The following SLC9A9 variants were observed in gnomAD, a reference collection of about 807,000 sequenced individuals.
SLC9A9 encodes the protein solute carrier family 9 member A9.
Under a neutral mutation model 77.8 loss-of-function variants are expected in SLC9A9, and 62 were observed. The observed-to-expected ratio is 0.80, with a 90% confidence interval of 0.65 to 0.98. The LOEUF (loss-of-function observed/expected upper bound fraction) is 0.98, where lower values mean the gene tolerates loss of function less well. SLC9A9 is among the 50% of genes least tolerant of loss of function. SLC9A9 has a pLI of 0.00. For missense variants in SLC9A9, 775 were observed against 774.9 expected (o/e 1.00, Z 0.00); for synonymous variants, 320 against 283.5 (o/e 1.13, Z -1.29).
rs1206515953 is a variant in SLC9A9 at position 143,578,535 on chromosome 3, T to C, written c.894+50A>G. 5 of 1,612,942 alleles carry C rather than the reference T, an allele frequency of 3.1e-6. No individual in the cohort carries two copies. In the South Asian group the frequency reaches 3.3e-5, roughly 11 times the overall value. ...TCCATCATCAGAAATATTCCATGGA[T>C]ACTGACTGTTCTTGACAGTCCCAGC... is the stretch of plus-strand genomic sequence containing the variant. On this transcript the variant is annotated intron_variant, in intron 7 of 15. Coordinates refer to ENST00000316549, the MANE Select transcript of SLC9A9 (RefSeq NM_173653.4).
intron 4 of SLC9A9, among the ~76,000 whole-genome samples, chr3:143,749,604 G>A (rs1029997547): frequency 2.6e-5 from 4 of 152,278 alleles, no homozygotes; most frequent in African/African-American, 9.6e-5. Context: ...GTACCACATC[G>A]TTTTGTCATA....
chr3:143,400,741 T>C (rs1245609691), intron 12 of SLC9A9, among the ~76,000 whole-genome samples: 3 of 143,870 alleles, frequency 2.1e-5, no homozygotes, highest in Admixed American at 6.9e-5. Context: ...AAAAAAAAGG[T>C]AATTCATTCC....
intron 9 of SLC9A9, among the ~76,000 whole-genome samples, chr3:143,499,359 G>A (rs532678909): frequency 9.2e-5 from 14 of 152,038 alleles, no homozygotes; most frequent in Middle Eastern, 3.4e-3. Flanking sequence ...TCACATCTTT[G>A]TTTAGATTTA....
intron 2 of SLC9A9, among the ~76,000 whole-genome samples, chr3:143,804,314 C>G (rs1281513121): frequency 3.3e-5 from 5 of 152,302 alleles, no homozygotes; most frequent in East Asian, 3.9e-4. Flanking sequence ...TCATCAGACT[C>G]TCCTCCCAGG....
chr3:143,641,333 T>C (rs1418037097), intron 6 of SLC9A9, among the ~76,000 whole-genome samples: 4 of 151,988 alleles, frequency 2.6e-5, no homozygotes, highest in African/African-American at 9.7e-5. Context: ...CAGATATAAA[T>C]TGATTTCAGC....
chr3:143,568,362 G>A (rs1160600177), intron 8 of SLC9A9, among the ~76,000 whole-genome samples: 7 of 152,130 alleles, frequency 4.6e-5, no homozygotes, highest in Non-Finnish European at 1.0e-4. Flanking sequence ...AGTTTCCTAA[G>A]AAACATTAGG....
intron 14 of SLC9A9, among the ~76,000 whole-genome samples, chr3:143,305,594 G>A (rs977007050): frequency 6.6e-6 from 1 of 152,182 alleles, no homozygotes; most frequent in Non-Finnish European, 1.5e-5. Context: ...CTGGAAGTGA[G>A]TTGACAGGAA....
chr3:143,761,431 G>C (rs1016982111), intron 4 of SLC9A9, among the ~76,000 whole-genome samples: 4 of 152,068 alleles, frequency 2.6e-5, no homozygotes, highest in African/African-American at 4.8e-5. Flanking sequence ...GAAAATTTTT[G>C]CAATCTACTC....
At chr3:143,691,429 C>G (rs1170246378) in intron 5 of SLC9A9, among the ~76,000 whole-genome samples, 3 of 151,954 alleles carry the variant, frequency 2.0e-5, no homozygotes, top group Non-Finnish European at 2.9e-5. Flanking sequence ...CGAGAGCTGG[C>G]CTGATACTCT....
intron 14 of SLC9A9, among the ~76,000 whole-genome samples, chr3:143,293,167 A>G (rs909276132): frequency 6.6e-6 from 1 of 152,170 alleles, no homozygotes; most frequent in African/African-American, 2.4e-5. Context: ...TGCTCAGCTG[A>G]AATGTATCAC....
chr3:143,748,228 T>C (rs928835462), intron 4 of SLC9A9, among the ~76,000 whole-genome samples: 21 of 152,186 alleles, frequency 1.4e-4, no homozygotes, highest in Admixed American at 1.3e-3. Flanking sequence ...TTCAGGCCCA[T>C]GATATGCGGG....
intron 6 of SLC9A9, among the ~76,000 whole-genome samples, chr3:143,622,888 A>T (rs982960297): frequency 1.3e-5 from 2 of 152,346 alleles, no homozygotes; most frequent in East Asian, 3.9e-4. Context: ...ACAGAGACAC[A>T]CATAGGCTCA....
At chr3:143,752,313 T>C (rs114211385) in intron 4 of SLC9A9, among the ~76,000 whole-genome samples, 122 of 152,316 alleles carry the variant, frequency 8.0e-4, no homozygotes, top group African/African-American at 2.9e-3. Context: ...TCCACCTGTT[T>C]TGAATTCTCT....
At chr3:143,686,283 A>T (rs1041601179) in intron 5 of SLC9A9, among the ~76,000 whole-genome samples, 1 of 152,220 alleles carries the variant, frequency 6.6e-6, no homozygotes, top group African/African-American at 2.4e-5. Context: ...AGAGGAAAAA[A>T]ATCCAGAAAA....
At chr3:143,824,331 C>T (rs550574881) in intron 2 of SLC9A9, among the ~76,000 whole-genome samples, 22 of 152,202 alleles carry the variant, frequency 1.4e-4, no homozygotes, top group Admixed American at 7.8e-4. Flanking sequence ...AAACTGCCTT[C>T]CAGAAAGCAG....
intron 7 of SLC9A9, among the ~76,000 whole-genome samples, chr3:143,575,988 C>G (rs1330052092): frequency 6.6e-6 from 1 of 152,154 alleles, no homozygotes; most frequent in Non-Finnish European, 1.5e-5. Flanking sequence ...GTCTCTACAC[C>G]CTTTCTTTCA....
At chr3:143,617,904 A>T (rs2038133008) in intron 6 of SLC9A9, among the ~76,000 whole-genome samples, 1 of 152,252 alleles carries the variant, frequency 6.6e-6, no homozygotes, top group East Asian at 1.9e-4. Flanking sequence ...CTGGCCTGAC[A>T]AGACTGGTCT....
intron 4 of SLC9A9, among the ~76,000 whole-genome samples, chr3:143,791,637 G>C (rs1386009128): frequency 6.6e-6 from 1 of 152,116 alleles, no homozygotes; most frequent in African/African-American, 2.4e-5. Context: ...CATAACTAAT[G>C]CACTTAATGG....
chr3:143,765,759 A>G (rs2007293842), intron 4 of SLC9A9, among the ~76,000 whole-genome samples: 1 of 152,174 alleles, frequency 6.6e-6, no homozygotes, highest in African/African-American at 2.4e-5. Flanking sequence ...TAACAGCCCC[A>G]CTTCCTCACC....
Sources: gnomAD v4.1 joint callset for allele counts (sites outside exome capture counted in the v4.1 genomes callset) on GRCh38, gnomAD v4.1.1 for gene constraint, MANE v1.5 for transcripts, NCBI Gene and HGNC (gene_info 2026-07-23, HGNC 2026-07-21) for gene names.